The following ULK4 variants were observed in gnomAD, a reference collection of about 807,000 sequenced individuals.
The protein encoded by ULK4 is unc-51 like kinase 4, also known as inactive serine/threonine-protein kinase ULK4.
In ULK4, 133 loss-of-function variants were observed where a neutral mutation model predicts 160.6. The observed-to-expected ratio is 0.83, with a 90% CI of 0.72 to 0.96. ULK4 has a LOEUF of 0.96. Ranked by LOEUF, ULK4 falls within the 40% of genes least tolerant of loss-of-function variation. ULK4 has a pLI of 0.00. For synonymous variants in ULK4, 534 were observed against 539.8 expected (o/e 0.99, Z 0.15); for missense variants, 1,580 against 1,499.5 (o/e 1.05, Z -0.89).
chr3:41,453,249 G>C (rs998324793), intron 34 of ULK4, among the ~76,000 whole-genome samples: 12 of 152,140 alleles, frequency 7.9e-5, no homozygotes, highest in African/African-American at 2.9e-4. Flanking sequence ...CATCATTGCT[G>C]GCTGCCGCCT....
chr3:41,544,481 A>T (rs1277288852), intron 32 of ULK4, among the ~76,000 whole-genome samples: 2 of 152,196 alleles, frequency 1.3e-5, no homozygotes, highest in African/African-American at 4.8e-5. Flanking sequence ...TTTCTTCATC[A>T]TATGTATAGC....
At chr3:41,696,636 C>T (rs536563460) in intron 27 of ULK4, among the ~76,000 whole-genome samples, 18 of 152,212 alleles carry the variant, frequency 1.2e-4, no homozygotes, top group South Asian at 2.1e-4. Flanking sequence ...CCTCCACACA[C>T]GGCAAGAAAA....
chr3:41,949,274 A>T (rs948967574), intron 2 of ULK4, among the ~76,000 whole-genome samples: 5 of 151,690 alleles, frequency 3.3e-5, no homozygotes, highest in African/African-American at 1.2e-4. Context: ...ACACCACTGA[A>T]CTCCTGCCTG....
intron 27 of ULK4, among the ~76,000 whole-genome samples, chr3:41,702,313 T>G (rs1273477837): frequency 6.6e-6 from 1 of 152,158 alleles, no homozygotes; most frequent in Non-Finnish European, 1.5e-5. Context: ...TCCAGCTAAC[T>G]TTTGCATTTT....
At chr3:41,404,577 G>C (rs28781325) in intron 34 of ULK4, among the ~76,000 whole-genome samples, 33,176 of 152,030 alleles carry the variant, frequency 0.22, 4,029 homozygotes, top group African/African-American at 0.32. Context: ...ATTAACCCCC[G>C]AGTTCAACAG....
At chr3:41,553,896 T>C (rs2087182290) in intron 32 of ULK4, among the ~76,000 whole-genome samples, 1 of 152,138 alleles carries the variant, frequency 6.6e-6, no homozygotes, top group African/African-American at 2.4e-5. Flanking sequence ...AGCCACCCTG[T>C]TGTGCTAGCA....
At chr3:41,280,304 T>C (rs937428354) in intron 35 of ULK4, among the ~76,000 whole-genome samples, 7 of 152,070 alleles carry the variant, frequency 4.6e-5, no homozygotes, top group Admixed American at 2.0e-4. Flanking sequence ...CTGCACCAAG[T>C]GGACCTAATA....
At chr3:41,480,522 A>G (rs1430792735) in intron 32 of ULK4, among the ~76,000 whole-genome samples, 4 of 152,182 alleles carry the variant, frequency 2.6e-5, no homozygotes, top group Non-Finnish European at 5.9e-5. Context: ...ACTCAATGTG[A>G]AAATAAAAAT....
intron 32 of ULK4, among the ~76,000 whole-genome samples, chr3:41,517,525 T>C (rs2085790448): frequency 6.6e-6 from 1 of 152,176 alleles, no homozygotes; most frequent in African/African-American, 2.4e-5. Context: ...GCCTTGACCT[T>C]GAACTTCTCA....
At chr3:41,310,321 A>G (rs1387828614) in intron 35 of ULK4, among the ~76,000 whole-genome samples, 4 of 152,248 alleles carry the variant, frequency 2.6e-5, no homozygotes, top group Admixed American at 2.6e-4. Context: ...ACTTCATTAA[A>G]TCAATTATAC....
chr3:41,750,637 G>A (rs572513269), intron 22 of ULK4, among the ~76,000 whole-genome samples: 102 of 152,182 alleles, frequency 6.7e-4, no homozygotes, highest in African/African-American at 2.3e-3. Flanking sequence ...TGCCTTCTCC[G>A]TAGAGTTTTC....
At chr3:41,392,102 T>C (rs1028831131) in intron 35 of ULK4, among the ~76,000 whole-genome samples, 5 of 152,108 alleles carry the variant, frequency 3.3e-5, no homozygotes, top group African/African-American at 4.8e-5. Context: ...GTAGCTAATC[T>C]ACAATCATTG....
chr3:41,632,361 CTAAAG>C (rs757118334), intron 30 of ULK4, among the ~76,000 whole-genome samples: 3 of 152,120 alleles, frequency 2.0e-5, no homozygotes, highest in African/African-American at 4.8e-5. Flanking sequence ...TGCTTACTTC[CTAAAG>C]TAATTTTTTT....
chr3:41,841,374 C>T (rs1407543593), intron 17 of ULK4, among the ~76,000 whole-genome samples: 4 of 151,468 alleles, frequency 2.6e-5, no homozygotes, highest in African/African-American at 9.7e-5. Flanking sequence ...AGGAGCGCCT[C>T]TGCCCGGCTG....
At chr3:41,563,687 G>A (rs566215072) in intron 32 of ULK4, among the ~76,000 whole-genome samples, 6 of 152,042 alleles carry the variant, frequency 3.9e-5, no homozygotes, top group Admixed American at 1.3e-4. Context: ...CGAAGTTCTC[G>A]TGCCATGGTT....
chr3:41,871,608 T>C (rs1381637991), intron 17 of ULK4, among the ~76,000 whole-genome samples: 1 of 152,256 alleles, frequency 6.6e-6, no homozygotes, highest in East Asian at 1.9e-4. Flanking sequence ...ATGACAAGTA[T>C]ATTCTCAGGT....
chr3:41,473,692 TAATA>T (rs1341062361), intron 32 of ULK4, among the ~76,000 whole-genome samples: 1 of 124,978 alleles, frequency 8.0e-6, no homozygotes, highest in Non-Finnish European at 1.7e-5. Context: ...AAAGAAGAAC[TAATA>T]AATACAGTTA....
At chr3:41,646,208 G>T (rs1470157967) in intron 30 of ULK4, among the ~76,000 whole-genome samples, 1 of 152,092 alleles carries the variant, frequency 6.6e-6, no homozygotes, top group Admixed American at 6.5e-5. Context: ...AGTTAATATT[G>T]TTATGTGTGA....
intron 32 of ULK4, among the ~76,000 whole-genome samples, chr3:41,525,518 A>C (rs73078787): frequency 0.15 from 23,191 of 152,160 alleles, 1,896 homozygotes; most frequent in Admixed American, 0.2. Flanking sequence ...AGTGAGGCCT[A>C]GTCTCCCTCC....
Sources: gnomAD v4.1 joint callset for allele counts (sites outside exome capture counted in the v4.1 genomes callset) on GRCh38, gnomAD v4.1.1 for gene constraint, MANE v1.5 for transcripts, NCBI Gene and HGNC (gene_info 2026-07-23, HGNC 2026-07-21) for gene names.